The following ARFIP1 variants were observed in gnomAD, a reference collection of about 807,000 sequenced individuals.
The protein encoded by ARFIP1 is ARF interacting protein 1, also known as arfaptin-1.
A neutral mutation model predicts 42.5 loss-of-function variants in ARFIP1; 24 were observed. That is an observed-to-expected ratio of 0.57 (90% CI 0.41 to 0.80). The LOEUF (loss-of-function observed/expected upper bound fraction) is 0.80. Ranked by LOEUF, ARFIP1 falls within the 30% of genes least tolerant of loss-of-function variation. The pLI is 0.00. For missense variants in ARFIP1, 354 were observed against 434.0 expected, an observed-to-expected ratio of 0.82 and a Z score of 1.64; for synonymous variants, 141 against 153.7, an observed-to-expected ratio of 0.92 and a Z score of 0.61.
chr4:152,861,279 A>G (rs972093829), intron 2 of ARFIP1, among the ~76,000 whole-genome samples: 8 of 152,204 alleles, frequency 5.3e-5, no homozygotes, highest in African/African-American at 1.7e-4. Context: ...CCTAGCACCT[A>G]GAAGATTCTA....
At chr4:152,814,873 A>C (rs903582875) in intron 1 of ARFIP1, among the ~76,000 whole-genome samples, 1 of 152,226 alleles carries the variant, frequency 6.6e-6, no homozygotes, top group Non-Finnish European at 1.5e-5. Flanking sequence ...TCCATTCTGC[A>C]AGTGAGCACG....
intron 5 of ARFIP1, among the ~76,000 whole-genome samples, chr4:152,876,296 G>A (rs777434437): frequency 1.3e-4 from 20 of 152,156 alleles, no homozygotes; most frequent in Non-Finnish European, 2.4e-4. Flanking sequence ...TGCTAATAGC[G>A]ATATGGACAA....
chr4:152,833,782 A>G (rs145347424), intron 2 of ARFIP1, among the ~76,000 whole-genome samples: 2 of 152,358 alleles, frequency 1.3e-5, no homozygotes, highest in East Asian at 3.9e-4. Flanking sequence ...AGACACAGGA[A>G]GACAAATACG....
At chr4:152,837,880 T>C (rs1731780317) in intron 2 of ARFIP1, among the ~76,000 whole-genome samples, 2 of 152,186 alleles carry the variant, frequency 1.3e-5, no homozygotes, top group Admixed American at 6.5e-5. Context: ...GTTTTTCCAA[T>C]GTTATCTTCT....
At chr4:152,878,864 C>T (rs1735586006) in intron 5 of ARFIP1, among the ~76,000 whole-genome samples, 1 of 152,154 alleles carries the variant, frequency 6.6e-6, no homozygotes, top group Non-Finnish European at 1.5e-5. Context: ...GACAGTACCA[C>T]ATGCTTTGGC....
chr4:152,846,776 T>C (rs1732569095), intron 2 of ARFIP1, among the ~76,000 whole-genome samples: 1 of 152,224 alleles, frequency 6.6e-6, no homozygotes, highest in Non-Finnish European at 1.5e-5. Flanking sequence ...TTTATACTTG[T>C]TTAAAATCTT....
At chr4:152,824,117 A>T (rs1379618957) in intron 1 of ARFIP1, among the ~76,000 whole-genome samples, 1 of 152,084 alleles carries the variant, frequency 6.6e-6, no homozygotes, top group Non-Finnish European at 1.5e-5. Flanking sequence ...GTTCCAGACC[A>T]GCCTGGCCAA....
intron 1 of ARFIP1, among the ~76,000 whole-genome samples, chr4:152,786,128 C>CT: frequency 6.6e-6 from 1 of 152,296 alleles, no homozygotes; most frequent in East Asian, 1.9e-4. Context: ...TGGTCAAAGT[C>CT]TAAGTCTAAC....
chr4:152,837,725 G>C (rs973300485), intron 2 of ARFIP1, among the ~76,000 whole-genome samples: 6 of 152,162 alleles, frequency 3.9e-5, no homozygotes, highest in African/African-American at 1.2e-4. Context: ...CCACTCTGTG[G>C]GTTGTCTGTT....
chr4:152,871,638 C>T (rs920640411), intron 4 of ARFIP1, among the ~76,000 whole-genome samples: 10 of 42,500 alleles, frequency 2.4e-4, no homozygotes, highest in Non-Finnish European at 4.2e-4. Context: ...TTTTTCTTTT[C>T]CTTATTTCAT....
chr4:152,803,812 C>T (rs1159199170), intron 1 of ARFIP1, among the ~76,000 whole-genome samples: 1 of 151,376 alleles, frequency 6.6e-6, no homozygotes, highest in Non-Finnish European at 1.5e-5. Flanking sequence ...CATCAGTCTG[C>T]AGTTGTTGGA....
chr4:152,903,948 T>G (rs1343908695), intron 8 of ARFIP1, among the ~76,000 whole-genome samples: 1 of 152,180 alleles, frequency 6.6e-6, no homozygotes, highest in African/African-American at 2.4e-5. Flanking sequence ...TCTAGACTAT[T>G]AACAGCAGCT....
At position 152,808,283 on chromosome 4, in the gene ARFIP1, A is replaced by ATTTTTTTTTTTTTTTTTTTTTTTTTTT. The variant is rs61135783; in HGVS notation, c.-9-21334_-9-21308dup. 1.5e-3 allele frequency among the ~76,000 whole-genome samples: 31 copies of ATTTTTTTTTTTTTTTTTTTTTTTTTTT among 20,314 alleles called. 7 individuals carry two copies. Among genetic ancestry groups the ATTTTTTTTTTTTTTTTTTTTTTTTTTT allele is most frequent in the East Asian group, 3.2e-3 (2 of 622 alleles). The allele number at this position is 20,314 out of a possible 152,430, so 13.3% of individuals were successfully genotyped here. A position where few individuals can be genotyped will look rare whatever the true frequency, so the allele number is the denominator to read the frequency against. On this transcript the variant is annotated intron_variant, in intron 1 of 8. Coordinates refer to ENST00000353617, the MANE Select transcript of ARFIP1 (RefSeq NM_001025595.3). Reference sequence around the variant, plus strand: ...GTGTGAGCCACCACGCCTGGCCTCCATTTTTTTTTTTTTTTTTTTTTTTTT... The same window carrying ATTTTTTTTTTTTTTTTTTTTTTTTTTT: ...GTGTGAGCCACCACGCCTGGCCTCCATTTTTTTTTTTTTTTTTTTTTTTTTTTTTTTTTTTTTTTTTTTTTTTTTTTT...
rs144349876 is a variant in ARFIP1 at position 152,849,371 on chromosome 4, G to A, written c.94-14235G>A. ...TTAAATTATAATCTGAGAGTGTGTC[G>A]TTATTTATAAACAAAAGCTATTAGG... is the stretch of plus-strand genomic sequence containing the variant. On this transcript the variant is annotated intron_variant, in intron 2 of 8. Transcript: ENST00000353617. Among the ~76,000 whole-genome samples the A allele has an allele frequency of 2.0e-4, 30 of 152,144 alleles. No individual in the cohort carries two copies. In the East Asian group the frequency reaches 4.1e-3, roughly 21 times the overall value.
chr4:152,817,067 C>CTCAT (rs1296267139), intron 1 of ARFIP1, among the ~76,000 whole-genome samples: 2 of 152,070 alleles, frequency 1.3e-5, no homozygotes, highest in African/African-American at 4.8e-5. Context: ...TCTGTTTTAT[C>CTCAT]TCATGCACAT....
At chr4:152,812,065 C>T (rs185600749) in intron 1 of ARFIP1, among the ~76,000 whole-genome samples, 32 of 152,326 alleles carry the variant, frequency 2.1e-4, no homozygotes, top group Admixed American at 7.2e-4. Flanking sequence ...TTCAGAACAT[C>T]GGTTTTTTAT....
intron 5 of ARFIP1, among the ~76,000 whole-genome samples, chr4:152,874,958 C>T (rs1735200966): frequency 6.6e-6 from 1 of 152,150 alleles, no homozygotes; most frequent in South Asian, 2.1e-4. Context: ...AGCCACCAAG[C>T]CCGGCCCCAT....
At chr4:152,780,583 C>T (rs923185847) in intron 1 of ARFIP1, among the ~76,000 whole-genome samples, 8 of 152,166 alleles carry the variant, frequency 5.3e-5, no homozygotes, top group African/African-American at 1.7e-4. Context: ...TGCTGTCCAA[C>T]CCTCATTTCT....
intron 2 of ARFIP1, among the ~76,000 whole-genome samples, chr4:152,834,873 C>T (rs887830465): frequency 6.6e-6 from 1 of 152,246 alleles, no homozygotes; most frequent in Non-Finnish European, 1.5e-5. Flanking sequence ...TCTGCACCTA[C>T]AGGCTTAACA....
Sources: allele counts gnomAD v4.1 joint callset (sites outside exome capture counted in the v4.1 genomes callset), GRCh38; gene constraint gnomAD v4.1.1; transcripts MANE v1.5; gene names NCBI Gene and HGNC (gene_info 2026-07-23, HGNC 2026-07-21).